AOPEP: variants seen among roughly 807,000 people sequenced by gnomAD.
AOPEP encodes aminopeptidase O.
Under a neutral mutation model 98.1 loss-of-function variants are expected in AOPEP, and 77 were observed. The ratio of observed to expected loss-of-function variants is 0.78; its 90% confidence interval spans 0.65 to 0.95. The LOEUF is 0.95. AOPEP is among the 40% of genes least tolerant of loss of function. The pLI, the probability that AOPEP is intolerant of heterozygous loss-of-function variation, is 0.00. For missense variants in AOPEP, 1,024 were observed against 1,024.7 expected (o/e 1.00, Z 0.01); for synonymous variants, 346 against 365.3 (o/e 0.95, Z 0.60).
At chr9:95,011,420 T>C (rs575265031) in intron 13 of AOPEP, among the ~76,000 whole-genome samples, 1 of 152,140 alleles carries the variant, frequency 6.6e-6, no homozygotes, top group South Asian at 2.1e-4. Context: ...GCCAGGATGG[T>C]CTCTATCTCC....
chr9:94,773,207 C>A (rs1293786627), intron 3 of AOPEP, 39 bp downstream of exon 3: 2 of 1,543,430 alleles, frequency 1.3e-6, no homozygotes, highest in Non-Finnish European at 1.8e-6. Flanking sequence ...ATGTATTGCA[C>A]ACATGTGGAC....
chr9:94,770,343 A>G (rs1208618586), intron 2 of AOPEP, among the ~76,000 whole-genome samples: 3 of 152,182 alleles, frequency 2.0e-5, no homozygotes, highest in African/African-American at 4.8e-5. Context: ...TTAGCAGTTT[A>G]AAAGAACAAA....
intron 13 of AOPEP, among the ~76,000 whole-genome samples, chr9:95,025,054 A>G (rs12344584): frequency 0.11 from 16,025 of 152,254 alleles, 969 homozygotes; most frequent in East Asian, 0.18. Context: ...AAATCAAATC[A>G]TTATATTTGG....
At chr9:95,050,926 T>C (rs904140581) in intron 13 of AOPEP, among the ~76,000 whole-genome samples, 1 of 152,208 alleles carries the variant, frequency 6.6e-6, no homozygotes, top group African/African-American at 2.4e-5. Flanking sequence ...TTATGTTTCC[T>C]GCTTCAGAAT....
At chr9:94,772,477 C>T (rs1319373086) in intron 2 of AOPEP, among the ~76,000 whole-genome samples, 2 of 152,198 alleles carry the variant, frequency 1.3e-5, no homozygotes, top group Non-Finnish European at 2.9e-5. Flanking sequence ...TGTTCTTGGC[C>T]TCCACACAAG....
At chr9:94,905,305 A>C (rs2050973250) in intron 5 of AOPEP, among the ~76,000 whole-genome samples, 1 of 152,224 alleles carries the variant, frequency 6.6e-6, no homozygotes, top group Admixed American at 6.5e-5. Flanking sequence ...ATAATCTTTC[A>C]GTAAAATTAA....
chr9:94,917,221 C>T (rs536510039), intron 5 of AOPEP, among the ~76,000 whole-genome samples: 2 of 152,306 alleles, frequency 1.3e-5, no homozygotes, highest in South Asian at 4.2e-4. Flanking sequence ...GTATCCGCTG[C>T]TCTGCTGGTC....
chr9:94,976,249 G>A (rs1055307690), intron 10 of AOPEP, among the ~76,000 whole-genome samples: 2 of 152,138 alleles, frequency 1.3e-5, no homozygotes, highest in Admixed American at 1.3e-4. Context: ...CATAGAGAAT[G>A]TTGCCTGTTT....
intron 13 of AOPEP, among the ~76,000 whole-genome samples, chr9:95,047,240 C>G (rs188449653): frequency 2.0e-5 from 3 of 152,184 alleles, no homozygotes; most frequent in African/African-American, 7.2e-5. Flanking sequence ...GTGGAAGACT[C>G]TCAGCCTATT....
Position 94,740,262 on chromosome 9 carries a change from G to A in AOPEP, c.-136+13511G>A, listed in dbSNP as rs576015487. Among the ~76,000 whole-genome samples the A allele has an allele frequency of 5.5e-4, 83 of 152,086 alleles. 1 individual carries two copies. The highest frequency in any genetic ancestry group is 2.1e-4 in the Non-Finnish European group (14 of 68,010). ...TGCTTGTGTAGTACCTGGCTGTGGG[G>A]TGATGTAGGACAGTGGCAATATTGC... is the stretch of plus-strand genomic sequence containing the variant. On this transcript the variant is annotated intron_variant, in intron 1 of 16. Coordinates refer to ENST00000375315, the MANE Select transcript of AOPEP (RefSeq NM_001193329.3).
chr9:94,753,258 G>T lies in AOPEP; in HGVS notation c.-135-6391G>T, dbSNP rs118005874. 1.8e-3 allele frequency among the ~76,000 whole-genome samples: 279 copies of T among 152,280 alleles called. 1 individual carries two copies. Among genetic ancestry groups the T allele is most frequent in the Non-Finnish European group, 2.8e-3 (190 of 68,012 alleles). On this transcript the variant is annotated intron_variant, in intron 1 of 16. Coordinates refer to ENST00000375315, the MANE Select transcript of AOPEP (RefSeq NM_001193329.3). Reference sequence around the variant, plus strand: ...AGGAGTGGAATGTATAAATTATCAGGAGTAAGGAAGCTGGTGAATATATTT... The same window carrying T: ...AGGAGTGGAATGTATAAATTATCAGTAGTAAGGAAGCTGGTGAATATATTT...
In AOPEP at chr9:94,972,735, T is replaced by A. The variant is rs972436044; in HGVS notation, c.1916+4934T>A. Among the ~76,000 whole-genome samples, 50 of 152,134 alleles carry A rather than the reference T, an allele frequency of 3.3e-4. No individual in the cohort carries two copies. Among genetic ancestry groups the A allele is most frequent in the Non-Finnish European group, 7.4e-5 (5 of 68,024 alleles). On this transcript the variant is annotated intron_variant, in intron 10 of 16. Transcript: ENST00000375315. This position sits in a 1 kb window ranked among gnomAD's most constrained non-coding sequence, Gnocchi z 4.2. ...GGCAGATCACTTTTAGCTTAGGAGTTGGAGACCAGCCTGGCCAACATGGTA... is the reference window on the plus strand; with the variant it reads ...GGCAGATCACTTTTAGCTTAGGAGTAGGAGACCAGCCTGGCCAACATGGTA...
At chr9:94,727,767 TC>T (rs1378224474) in intron 1 of AOPEP, among the ~76,000 whole-genome samples, 4 of 152,198 alleles carry the variant, frequency 2.6e-5, no homozygotes, top group African/African-American at 9.7e-5. Context: ...ATTAGATTCT[TC>T]CAATATTTGG....
chr9:94,887,522 G>A (rs1249878302), intron 5 of AOPEP, among the ~76,000 whole-genome samples: 1 of 152,078 alleles, frequency 6.6e-6, no homozygotes, highest in Admixed American at 6.5e-5. Flanking sequence ...GTAAGATGGG[G>A]CTTCTACTAC....
At chr9:95,132,711 G>A in the AOPEP span, among the ~76,000 whole-genome samples, 6 of 152,092 alleles carry the variant, frequency 3.9e-5, no homozygotes, top group Middle Eastern at 3.2e-3. Flanking sequence ...TAGTCATTTG[G>A]AACTCAGGTA....
chr9:94,750,323 C>T lies in AOPEP; in HGVS notation c.-135-9326C>T, dbSNP rs187672030. On this transcript the variant is annotated intron_variant, in intron 1 of 16. Coordinates refer to ENST00000375315, the MANE Select transcript of AOPEP (RefSeq NM_001193329.3). ...GGTTTCGGCCAGGTGCAGTGGCTCA[C>T]GCCTGTAATCCCAGCACTTTAGGAG... Among the ~76,000 whole-genome samples the T allele has an allele frequency of 1.4e-3, 217 of 152,282 alleles. 2 individuals carry two copies. Among genetic ancestry groups the T allele is most frequent in the Non-Finnish European group, 2.6e-3 (177 of 68,012 alleles).
rs542840000 is a variant in AOPEP, at chr9:95,035,507, A to ATTT, written c.2116-25161_2116-25159dup. 4.3e-4 allele frequency among the ~76,000 whole-genome samples: 29 copies of ATTT among 67,964 alleles called. 2 individuals are homozygous for ATTT. The highest frequency in any genetic ancestry group is 1.5e-3 in the African/African-American group (26 of 16,982). 44.6% of individuals were successfully genotyped at this position (67,964 alleles called of 152,430 possible). A position where few individuals can be genotyped will look rare whatever the true frequency, so the allele number is the denominator to read the frequency against. On this transcript the variant is annotated intron_variant, in intron 13 of 16. Coordinates refer to ENST00000375315, the MANE Select transcript of AOPEP (RefSeq NM_001193329.3). ...ATCTCTTTGACACCAGCTTCAGATA[A>ATTT]TTTTTTTTTTTTTTTTTTTTTTTTT...
At chr9:94,985,957 G>A (rs756652283) in intron 11 of AOPEP, among the ~76,000 whole-genome samples, 1 of 152,194 alleles carries the variant, frequency 6.6e-6, no homozygotes, top group African/African-American at 2.4e-5. Flanking sequence ...GACAGGGAGA[G>A]GGTTTATTAA....
At chr9:95,110,963 T>C in the AOPEP span, 1 of 1,400,858 alleles carries the variant, frequency 7.1e-7, no homozygotes, top group East Asian at 2.6e-5. Flanking sequence ...ATCATCTGAT[T>C]ACTTTAGTAA....
Sources: allele counts gnomAD v4.1 joint callset (sites outside exome capture counted in the v4.1 genomes callset), GRCh38; gene constraint gnomAD v4.1.1; non-coding constraint Gnocchi (gnomAD v3.1); transcripts MANE v1.5; gene names NCBI Gene and HGNC (gene_info 2026-07-23, HGNC 2026-07-21).